The following VAV2 variants were observed in gnomAD, a reference collection of about 807,000 sequenced individuals.
VAV2 encodes the protein guanine nucleotide exchange factor VAV2.
VAV2 carries 67 observed loss-of-function variants against 132.5 expected under a neutral mutation model. The observed-to-expected ratio is 0.51, with a 90% confidence interval of 0.42 to 0.62. VAV2 has a LOEUF of 0.62. VAV2 is among the 20% of genes least tolerant of loss of function. The pLI is 0.00. For missense variants in VAV2, 938 were observed against 1,153.6 expected (o/e 0.81, Z 2.71); for synonymous variants, 492 against 443.5 (o/e 1.11, Z -1.37).
At chr9:133,895,458 G>A (rs757337909) in intron 2 of VAV2, among the ~76,000 whole-genome samples, 19 of 152,242 alleles carry the variant, frequency 1.2e-4, no homozygotes, top group Non-Finnish European at 2.2e-4. Flanking sequence ...AACAAATTGC[G>A]GTGGAGCCAC....
intron 2 of VAV2, among the ~76,000 whole-genome samples, chr9:133,871,477 GAT>G (rs1838049797): frequency 1.6e-5 from 2 of 123,884 alleles, no homozygotes; most frequent in East Asian, 4.5e-4. Flanking sequence ...CGGATGGATG[GAT>G]GGATGGATGG....
In VAV2 at chr9:133,981,750, G is replaced by A. The variant is rs551556774; in HGVS notation, c.204+10325C>T. On this transcript the variant is annotated intron_variant, in intron 1 of 29. Coordinates refer to ENST00000371850, the MANE Select transcript of VAV2 (RefSeq NM_001134398.2). ...GTGTGGTCCCCACTGCCGCCCCTGC[G>A]GGCCACTCATCGTGTTTCCAAGCAT... 1.7e-3 allele frequency among the ~76,000 whole-genome samples: 257 copies of A among 152,278 alleles called. 1 individual carries two copies. The highest frequency in any genetic ancestry group is 5.8e-3 in the African/African-American group (240 of 41,564).
At chr9:133,797,639 A>G in intron 10 of VAV2, 71 bp downstream of exon 10, 1 of 1,340,206 alleles carries the variant, frequency 7.5e-7, no homozygotes, top group Non-Finnish European at 1.0e-6. Flanking sequence ...AGAGGCTGGT[A>G]CCTAACGAGC....
intron 16 of VAV2, 150 bp from the exon 17 acceptor site, chr9:133,786,035 C>G: frequency 1.4e-6 from 1 of 736,982 alleles, no homozygotes; most frequent in Middle Eastern, 3.5e-4. Context: ...CATGTTCTCA[C>G]GTGTGTACCT....
At chr9:133,875,764 T>C (rs1393049054) in intron 2 of VAV2, among the ~76,000 whole-genome samples, 2 of 152,114 alleles carry the variant, frequency 1.3e-5, no homozygotes, top group African/African-American at 4.8e-5. Flanking sequence ...ATGGCTAATG[T>C]GGCTAATGCT....
intron 25 of VAV2, 103 bp from the exon 26 acceptor site, chr9:133,772,149 G>A (rs999182445): frequency 3.6e-5 from 27 of 751,604 alleles, no homozygotes; most frequent in Admixed American, 7.2e-5. Flanking sequence ...AAAGCCCCTC[G>A]TCCCTGGCCC....
chr9:133,849,826 T>C (rs932729230), intron 3 of VAV2, among the ~76,000 whole-genome samples: 6 of 152,220 alleles, frequency 3.9e-5, no homozygotes, highest in African/African-American at 1.4e-4. Flanking sequence ...GTGGTTCTTA[T>C]AAGGACACTT....
At chr9:133,982,943 A>T (rs1842744178) in intron 1 of VAV2, among the ~76,000 whole-genome samples, 1 of 152,166 alleles carries the variant, frequency 6.6e-6, no homozygotes, top group African/African-American at 2.4e-5. Context: ...CGTAGTCGTG[A>T]CAGAGACCGT....
chr9:133,930,776 G>C (rs560909997), intron 2 of VAV2, among the ~76,000 whole-genome samples: 4 of 152,296 alleles, frequency 2.6e-5, no homozygotes, highest in Admixed American at 6.5e-5. Context: ...AGGAGGGAGG[G>C]GCAGCAGGAG....
chr9:133,815,417 T>C (rs556536222), intron 4 of VAV2, among the ~76,000 whole-genome samples: 2 of 152,188 alleles, frequency 1.3e-5, no homozygotes, highest in Admixed American at 6.5e-5. Flanking sequence ...TCCCACACCA[T>C]AGAGTATTTT....
At chr9:133,849,331 G>A (rs978364581) in intron 3 of VAV2, among the ~76,000 whole-genome samples, 10 of 152,132 alleles carry the variant, frequency 6.6e-5, no homozygotes, top group African/African-American at 1.9e-4. Flanking sequence ...CACCAGCTGC[G>A]GGCCTCCTCC....
chr9:133,881,736 ATTT>A (rs1838504728), intron 2 of VAV2, among the ~76,000 whole-genome samples: 1 of 152,180 alleles, frequency 6.6e-6, no homozygotes, highest in African/African-American at 2.4e-5. Flanking sequence ...AATATTCTAT[ATTT>A]TCAGCCCAGA....
In VAV2 at chr9:133,772,102, C is replaced by G. The variant is rs551049227; in HGVS notation, c.2136-56G>C. ...GCGTGAGGGCCACACGGCCCCGGCC[C>G]CCTTGGCAGCCAGGCTCATTCTGTG... On this transcript the variant is annotated intron_variant, in intron 25 of 29. Transcript: ENST00000371850. 3.7e-6 allele frequency: 5 copies of G among 1,349,212 alleles called. No individual in the cohort carries two copies. The East Asian group carries it at 1.1e-4, about 31-fold the overall frequency. 83.6% of individuals were successfully genotyped at this position (1,349,212 alleles called of 1,614,324 possible). A position where few individuals can be genotyped will look rare whatever the true frequency, so the allele number is the denominator to read the frequency against.
intron 26 of VAV2, among the ~76,000 whole-genome samples, chr9:133,770,884 G>GA (rs1833597731): frequency 6.6e-6 from 1 of 152,106 alleles, no homozygotes; most frequent in Non-Finnish European, 1.5e-5. Flanking sequence ...CATTAATGGT[G>GA]AATGTTTGTG....
intron 1 of VAV2, among the ~76,000 whole-genome samples, chr9:133,946,808 G>A (rs1841375781): frequency 6.6e-6 from 1 of 152,312 alleles, no homozygotes; most frequent in Non-Finnish European, 1.5e-5. Flanking sequence ...TTCAACAGAT[G>A]CAGCTTGATG....
chr9:133,898,816 C>CT (rs60943412), intron 2 of VAV2, among the ~76,000 whole-genome samples: 13 of 82,476 alleles, frequency 1.6e-4, no homozygotes, highest in African/African-American at 5.7e-4. Context: ...CAGACCCTGC[C>CT]TTTTTTTTTT....
chr9:133,769,565 G>C lies in VAV2; in HGVS notation c.2348-62C>G. 6.5e-7 allele frequency: 1 copy of C among 1,529,782 alleles called. No homozygotes were observed. Among genetic ancestry groups the C allele is most frequent in the East Asian group, 2.4e-5 (1 of 42,144 alleles). The allele number at this position is 1,529,782 out of a possible 1,614,324, so 94.8% of individuals were successfully genotyped here. A position where few individuals can be genotyped will look rare whatever the true frequency, so the allele number is the denominator to read the frequency against. On this transcript the variant is annotated intron_variant, in intron 27 of 29. Coordinates refer to ENST00000371850, the MANE Select transcript of VAV2 (RefSeq NM_001134398.2). This position sits in a 1 kb window ranked among gnomAD's most constrained non-coding sequence, Gnocchi z 8.1. ...AGGGCATCCACGCACAGTCACGGTG[G>C]GCACAGCTACAGGCCGGGGGGCATG...
chr9:133,986,395 G>T (rs1484167051), intron 1 of VAV2, among the ~76,000 whole-genome samples: 1 of 152,218 alleles, frequency 6.6e-6, no homozygotes, highest in African/African-American at 2.4e-5. Flanking sequence ...TTGACAGAGG[G>T]GGACACAGCC....
rs895704310 is a variant in VAV2 at position 133,840,090 on chromosome 9, G to T, written c.381-5750C>A. Among the ~76,000 whole-genome samples the T allele has an allele frequency of 2.0e-5, 3 of 152,132 alleles. No homozygotes were observed. Among genetic ancestry groups the T allele is most frequent in the African/African-American group, 7.2e-5 (3 of 41,412 alleles). ...CTTGCCCTGTGGCGTTGCCTTGCTCGTTAAGAGCAGGGAATGAGAAGCAGA... is the reference window on the plus strand; with the variant it reads ...CTTGCCCTGTGGCGTTGCCTTGCTCTTTAAGAGCAGGGAATGAGAAGCAGA... On this transcript the variant is annotated intron_variant, in intron 3 of 29. Transcript: ENST00000371850. This position sits in a 1 kb window ranked among gnomAD's most constrained non-coding sequence, Gnocchi z 4.5.
Sources: gnomAD v4.1 joint callset for allele counts (sites outside exome capture counted in the v4.1 genomes callset) on GRCh38, gnomAD v4.1.1 for gene constraint, Gnocchi (gnomAD v3.1) non-coding constraint, MANE v1.5 for transcripts, NCBI Gene and HGNC (gene_info 2026-07-23, HGNC 2026-07-21) for gene names.